LIMS1: variants seen among roughly 807,000 people sequenced by gnomAD.
The protein encoded by LIMS1 is LIM zinc finger domain containing 1, also known as LIM and senescent cell antigen-like-containing domain protein 1.
LIMS1 carries 18 observed loss-of-function variants against 44.1 expected under a neutral mutation model. That is an observed-to-expected ratio of 0.41 (90% CI 0.28 to 0.61). LIMS1 has a LOEUF of 0.61. Ranked by LOEUF, LIMS1 falls within the 20% of genes least tolerant of loss-of-function variation. LIMS1 has a pLI of 0.32. For synonymous variants in LIMS1, 93 were observed against 149.1 expected (o/e 0.62, Z 2.74); for missense variants, 201 against 422.0 (o/e 0.48, Z 4.59).
At chr2:108,664,228 G>T (rs1192676285) in intron 2 of LIMS1, among the ~76,000 whole-genome samples, 1 of 152,184 alleles carries the variant, frequency 6.6e-6, no homozygotes, top group Non-Finnish European at 1.5e-5. Flanking sequence ...TGACAAACCA[G>T]TATAAAGTAC....
At chr2:108,577,231 C>T (rs566141790) in intron 1 of LIMS1, among the ~76,000 whole-genome samples, 1 of 152,362 alleles carries the variant, frequency 6.6e-6, no homozygotes, top group African/African-American at 2.4e-5. Flanking sequence ...TTTCAAGTTA[C>T]TCCCTGAGAA....
chr2:108,667,023 A>C (rs826680), intron 2 of LIMS1, among the ~76,000 whole-genome samples: 1 of 149,942 alleles, frequency 6.7e-6, no homozygotes, highest in Admixed American at 6.7e-5. Flanking sequence ...TGAATTAAAC[A>C]CTTGGCCACT....
At chr2:108,650,413 C>CTTTTTTTTTTTT (rs113015874) in intron 1 of LIMS1, among the ~76,000 whole-genome samples, 1 of 145,178 alleles carries the variant, frequency 6.9e-6, no homozygotes, top group Non-Finnish European at 1.5e-5. Flanking sequence ...CTTTTCTTTT[C>CTTTTTTTTTTTT]TTTTTTTTTT....
intron 1 of LIMS1, among the ~76,000 whole-genome samples, chr2:108,553,934 T>C (rs547307968): frequency 5.3e-4 from 80 of 152,350 alleles, no homozygotes; most frequent in Admixed American, 1.6e-3. Flanking sequence ...TGTGTAGTGT[T>C]TGATGATATA....
intron 1 of LIMS1, among the ~76,000 whole-genome samples, chr2:108,638,271 GAAAGTTACGCCA>G (rs1466380783): frequency 6.6e-6 from 1 of 152,250 alleles, no homozygotes; most frequent in African/African-American, 2.4e-5. Context: ...CTTTCTTGAG[GAAAGTTACGCCA>G]AAGGCAACGA....
intron 1 of LIMS1, among the ~76,000 whole-genome samples, chr2:108,552,605 TGTGTGTG>T: frequency 6.6e-6 from 1 of 150,444 alleles, no homozygotes; most frequent in Non-Finnish European, 1.5e-5. Flanking sequence ...TGTGTGTGTG[TGTGTGTG>T]TTTTTGGAGA....
chr2:108,577,165 A>T (rs1179718974), intron 1 of LIMS1, among the ~76,000 whole-genome samples: 1 of 152,214 alleles, frequency 6.6e-6, no homozygotes, highest in Non-Finnish European at 1.5e-5. Context: ...ACTGAGTCTT[A>T]TTGCTGTTGC....
intron 8 of LIMS1, among the ~76,000 whole-genome samples, chr2:108,679,253 C>T (rs920749792): frequency 3.2e-4 from 49 of 151,324 alleles, no homozygotes; most frequent in African/African-American, 5.8e-4. Flanking sequence ...CCAAGGCGGG[C>T]AGATCAACTG....
At chr2:108,649,762 G>A (rs1360902450) in intron 1 of LIMS1, among the ~76,000 whole-genome samples, 1 of 152,134 alleles carries the variant, frequency 6.6e-6, no homozygotes, top group African/African-American at 2.4e-5. Context: ...AGTGGGAGTT[G>A]AACAGTGAGA....
chr2:108,577,716 A>G (rs1468160418), intron 1 of LIMS1, among the ~76,000 whole-genome samples: 1 of 152,238 alleles, frequency 6.6e-6, no homozygotes, highest in African/African-American at 2.4e-5. Flanking sequence ...TTTTTAAGAG[A>G]GAGAGAAAAA....
intron 1 of LIMS1, among the ~76,000 whole-genome samples, chr2:108,604,231 G>A (rs1403034729): frequency 1.3e-5 from 2 of 151,798 alleles, no homozygotes; most frequent in Non-Finnish European, 2.9e-5. Flanking sequence ...CTTTTTTAAT[G>A]GTTGAGAAAA....
At chr2:108,655,057 A>G in intron 1 of LIMS1, 1 of 1,611,724 alleles carries the variant, frequency 6.2e-7, no homozygotes, top group Non-Finnish European at 8.5e-7. Flanking sequence ...CTGTGCTCAG[A>G]GCTCTCAAGC....
chr2:108,549,326 G>A (rs12465708), intron 1 of LIMS1, among the ~76,000 whole-genome samples: 48,335 of 117,822 alleles, frequency 0.41, 10,703 homozygotes, highest in East Asian at 0.91. Context: ...ATGCAGTGTC[G>A]CTCTGTCGCC....
intron 1 of LIMS1, chr2:108,621,385 C>G (rs1459418183): frequency 1.3e-6 from 2 of 1,550,178 alleles, no homozygotes; most frequent in Non-Finnish European, 8.7e-7. Context: ...AGAGCTTTCA[C>G]ATTCAGGTCT....
At chr2:108,575,704 A>C (rs920572886) in intron 1 of LIMS1, among the ~76,000 whole-genome samples, 2 of 151,956 alleles carry the variant, frequency 1.3e-5, no homozygotes, top group African/African-American at 4.8e-5. Context: ...GGCATCGTTT[A>C]TTTTTATTCT....
chr2:108,656,309 C>CGA, intron 1 of LIMS1, among the ~76,000 whole-genome samples: 1 of 70,196 alleles, frequency 1.4e-5, no homozygotes, highest in African/African-American at 4.0e-5. Context: ...AAATATCTAT[C>CGA]TATCTATCTA....
chr2:108,598,650 T>A (rs987258336), intron 1 of LIMS1, among the ~76,000 whole-genome samples: 9 of 152,202 alleles, frequency 5.9e-5, no homozygotes, highest in African/African-American at 2.2e-4. Context: ...TGTGTGCCAG[T>A]CTGACACTGT....
Position 108,678,146 on chromosome 2 carries a change from C to A in LIMS1, c.823+119C>A, listed in dbSNP as rs1326845025. The A allele has an allele frequency of 3.5e-6, 5 of 1,432,488 alleles. No homozygotes were observed. The East Asian group carries it at 1.1e-4, about 33-fold the overall frequency. The allele number at this position is 1,432,488 out of a possible 1,614,324, so 88.7% of individuals were successfully genotyped here. A position where few individuals can be genotyped will look rare whatever the true frequency, so the allele number is the denominator to read the frequency against. ...ATGTGATCGTTATCAGTTACTTTTTCTCTATCTTTGGCGTATTTTCCAAGT... is the reference window on the plus strand; with the variant it reads ...ATGTGATCGTTATCAGTTACTTTTTATCTATCTTTGGCGTATTTTCCAAGT... On this transcript the variant is annotated intron_variant, in intron 8 of 9. Coordinates refer to ENST00000544547, the Ensembl canonical transcript of LIMS1.
At chr2:108,664,001 G>A (rs1274524999) in intron 2 of LIMS1, among the ~76,000 whole-genome samples, 2 of 152,046 alleles carry the variant, frequency 1.3e-5, no homozygotes, top group East Asian at 1.9e-4. Context: ...TGATCCGCTC[G>A]CCTCGTTCTC....
Sources: gnomAD v4.1 joint callset for allele counts (sites outside exome capture counted in the v4.1 genomes callset) on GRCh38, gnomAD v4.1.1 for gene constraint, MANE v1.5 for transcripts, NCBI Gene and HGNC (gene_info 2026-07-23, HGNC 2026-07-21) for gene names.